Variants in CHIC2 observed in about 807,000 individuals in gnomAD.
CHIC2 encodes cysteine-rich hydrophobic domain-containing protein 2.
In CHIC2, 14 loss-of-function variants were observed where a neutral mutation model predicts 25.9. That is an observed-to-expected ratio of 0.54 (90% confidence interval 0.36 to 0.85). The LOEUF (loss-of-function observed/expected upper bound fraction) is 0.85, where lower values mean the gene tolerates loss of function less well. Ranked by LOEUF, CHIC2 falls within the 40% of genes least tolerant of loss-of-function variation. The pLI, the probability that CHIC2 is intolerant of heterozygous loss-of-function variation, is 0.01. For missense variants in CHIC2, 146 were observed against 202.0 expected, an observed-to-expected ratio of 0.72 and a Z score of 1.68; for synonymous variants, 70 against 72.0, an observed-to-expected ratio of 0.97 and a Z score of 0.14.
At chr4:54,084,121 T>C in the CHIC2 span, among the ~76,000 whole-genome samples, 1 of 152,198 alleles carries the variant, frequency 6.6e-6, no homozygotes, top group African/African-American at 2.4e-5. Context: ...TGCATGCCAC[T>C]ATCACACACT....
At chr4:54,084,866 A>G in the CHIC2 span, among the ~76,000 whole-genome samples, 10 of 151,358 alleles carry the variant, frequency 6.6e-5, no homozygotes, top group African/African-American at 2.4e-4. Context: ...AGGCTGACAC[A>G]TGAGAACCAC....
chr4:54,046,810 A>C (rs1235166238), intron 3 of CHIC2, among the ~76,000 whole-genome samples: 2 of 152,358 alleles, frequency 1.3e-5, no homozygotes, highest in South Asian at 2.1e-4. Context: ...GGATCTAATT[A>C]AACTAAAGAG....
chr4:54,031,275 A>G (rs1310294192), intron 3 of CHIC2, among the ~76,000 whole-genome samples: 1 of 151,884 alleles, frequency 6.6e-6, no homozygotes, highest in Non-Finnish European at 1.5e-5. Context: ...ACTGTATCAC[A>G]CTGCTCCTAC....
rs1715858597 is a variant in CHIC2, at chr4:54,020,245, TGCTTTGTAATC to T, written c.331-6137_331-6127del. 2.6e-5 allele frequency among the ~76,000 whole-genome samples: 4 copies of T among 152,278 alleles called. No homozygotes were observed. The South Asian group carries it at 6.2e-4, about 24-fold the overall frequency. ...TCTGCCCCACCTTAACTGATCAACG[TGCTTTGTAATC>T]GCCCCCACCCTTAAGAAGGTTCTTT... On this transcript the variant is annotated intron_variant, in intron 3 of 5. Transcript: ENST00000263921.
At chr4:54,070,994 A>G in the CHIC2 span, among the ~76,000 whole-genome samples, 1 of 152,196 alleles carries the variant, frequency 6.6e-6, no homozygotes. Context: ...AATAGAAAAT[A>G]GCACTTCTGC....
chr4:54,058,204 A>C (rs992728928), intron 1 of CHIC2, among the ~76,000 whole-genome samples: 5 of 152,214 alleles, frequency 3.3e-5, no homozygotes, highest in Non-Finnish European at 5.9e-5. Context: ...ATGTGCATGC[A>C]GGGTTAAACA....
chr4:54,074,597 A>AACACACACACACACAC, the CHIC2 span, among the ~76,000 whole-genome samples: 5 of 139,714 alleles, frequency 3.6e-5, no homozygotes, highest in African/African-American at 1.0e-4. Context: ...ACAACACACA[A>AACACACACACACACAC]ACACACACAC....
At chr4:54,056,934 A>T (rs1267076568) in intron 1 of CHIC2, among the ~76,000 whole-genome samples, 3 of 152,092 alleles carry the variant, frequency 2.0e-5, no homozygotes, top group Non-Finnish European at 4.4e-5. Context: ...TGTGGGAAAC[A>T]CTCTCTACTT....
At chr4:54,034,015 A>C (rs910493449) in intron 3 of CHIC2, among the ~76,000 whole-genome samples, 6 of 152,020 alleles carry the variant, frequency 3.9e-5, no homozygotes, top group African/African-American at 1.4e-4. Flanking sequence ...GAATTTTAGA[A>C]TCAGTCTGTC....
upstream of CHIC2, chr4:54,065,393 G>A: frequency 3.6e-6 from 3 of 843,766 alleles, no homozygotes; most frequent in Non-Finnish European, 2.9e-6. Flanking sequence ...TAAAATCTTA[G>A]GGAATTCCTT....
At chr4:54,043,417 T>A (rs1716654009) in intron 3 of CHIC2, among the ~76,000 whole-genome samples, 1 of 142,472 alleles carries the variant, frequency 7.0e-6, no homozygotes, top group African/African-American at 2.7e-5. Flanking sequence ...TGAGACTCCA[T>A]TTCAAAAAAA....
chr4:54,073,468 G>A, the CHIC2 span, among the ~76,000 whole-genome samples: 1 of 152,138 alleles, frequency 6.6e-6, no homozygotes, highest in African/African-American at 2.4e-5. Flanking sequence ...AACTCATTCT[G>A]GAGGAAGCCA....
At chr4:54,017,105 A>T (rs1237059981) in intron 3 of CHIC2, among the ~76,000 whole-genome samples, 1 of 152,174 alleles carries the variant, frequency 6.6e-6, no homozygotes, top group Non-Finnish European at 1.5e-5. Context: ...ATCTAGATAA[A>T]AGTTAAAGAG....
At chr4:54,028,545 A>C (rs1170486223) in intron 3 of CHIC2, among the ~76,000 whole-genome samples, 3 of 152,252 alleles carry the variant, frequency 2.0e-5, no homozygotes, top group Non-Finnish European at 2.9e-5. Context: ...GTAAAGAGTG[A>C]GTAAGGACTC....
At chr4:54,022,542 C>A (rs1315285235) in intron 3 of CHIC2, among the ~76,000 whole-genome samples, 2 of 152,120 alleles carry the variant, frequency 1.3e-5, no homozygotes. Flanking sequence ...TAGTTATCCC[C>A]ACCTGCCCAG....
intron 3 of CHIC2, among the ~76,000 whole-genome samples, chr4:54,017,880 A>T (rs1238942733): frequency 6.6e-6 from 1 of 152,180 alleles, no homozygotes; most frequent in African/African-American, 2.4e-5. Flanking sequence ...CTTAGTGGTT[A>T]TATTTTTCTC....
intron 1 of CHIC2, among the ~76,000 whole-genome samples, chr4:54,053,570 A>AG (rs1717075322): frequency 2.0e-5 from 3 of 152,006 alleles, no homozygotes; most frequent in Admixed American, 6.6e-5. Context: ...AAAAAAAAAA[A>AG]AAAAAAAAAA....
At chr4:54,064,640 G>A, upstream of CHIC2, 1 of 1,073,322 alleles carries the variant, frequency 9.3e-7, no homozygotes, top group Non-Finnish European at 1.1e-6. The surrounding 1 kb of genome is among the most constrained non-coding windows in gnomAD (Gnocchi z 4.2). Context: ...AGCGGGAGCA[G>A]CCGGCTACGG....
At chr4:54,016,872 ATTAT>A (rs745843066) in intron 3 of CHIC2, among the ~76,000 whole-genome samples, 53 of 151,914 alleles carry the variant, frequency 3.5e-4, no homozygotes, top group Middle Eastern at 6.8e-3. Flanking sequence ...TGTGCCACAA[ATTAT>A]TTGTTAGTAA....
Sources: allele counts gnomAD v4.1 joint callset (sites outside exome capture counted in the v4.1 genomes callset), GRCh38; gene constraint gnomAD v4.1.1; non-coding constraint Gnocchi (gnomAD v3.1); transcripts MANE v1.5; gene names NCBI Gene and HGNC (gene_info 2026-07-23, HGNC 2026-07-21).